The following WFDC13 variants were observed in gnomAD, a reference collection of about 807,000 sequenced individuals.
WFDC13 encodes WAP four-disulfide core domain protein 13.
WFDC13 carries 6 observed loss-of-function variants against 10.9 expected under a neutral mutation model. That is an observed-to-expected ratio of 0.55 (90% CI 0.30 to 1.09). The LOEUF (loss-of-function observed/expected upper bound fraction) is 1.09. Ranked by LOEUF, WFDC13 falls within the 50% of genes least tolerant of loss-of-function variation. WFDC13 has a pLI of 0.06. For missense variants in WFDC13, 104 were observed against 109.6 expected, an observed-to-expected ratio of 0.95 and a Z score of 0.23; for synonymous variants, 38 against 39.5, an observed-to-expected ratio of 0.96 and a Z score of 0.14.
rs1353669059 is a variant in WFDC13 at position 45,704,538 on chromosome 20, C to T, written c.183C>T (p.Cys61=). ...AAGATTGCGAGAAAGGATTTCAGTGCTGTTCCTCCTTCTGTGGGATAGTCT... is the reference window on the plus strand; with the variant it reads ...AAGATTGCGAGAAAGGATTTCAGTGTTGTTCCTCCTTCTGTGGGATAGTCT... The part of the protein sequence containing the change: ...MQEDCEKGFQ[C]CSSFCGIVCS... Residue 61 remains cysteine (C), a synonymous_variant, in exon 2 of 4, where the codon TGC becomes TGT. Coordinates refer to ENST00000305479, the MANE Select transcript of WFDC13 (RefSeq NM_172005.2). 1 of 1,614,064 alleles carries T rather than the reference C, an allele frequency of 6.2e-7. No homozygotes were observed. The highest frequency in any genetic ancestry group is 2.2e-5 in the East Asian group (1 of 44,886).
intron 3 of WFDC13, 36 bp downstream of exon 3, chr20:45,705,963 G>A (rs1984373973): frequency 1.3e-6 from 2 of 1,569,048 alleles, no homozygotes; most frequent in African/African-American, 2.7e-5. Context: ...TTCCTCATGT[G>A]AGATTCCCAG....
At chr20:45,705,706 T>C (rs1243317345) in intron 2 of WFDC13, among the ~76,000 whole-genome samples, 157 bp from the exon 3 acceptor site, 1 of 151,968 alleles carries the variant, frequency 6.6e-6, no homozygotes, top group Non-Finnish European at 1.5e-5. Flanking sequence ...ATATAACTCT[T>C]TGGTGTCATT....
chr20:45,704,882 G>C, intron 2 of WFDC13: 1 of 1,604,612 alleles, frequency 6.2e-7, no homozygotes, highest in South Asian at 1.1e-5. Context: ...ACCTTCCCCC[G>C]ACCCAGAATC....
At chr20:45,704,840 C>G in intron 2 of WFDC13, 1 of 1,494,338 alleles carries the variant, frequency 6.7e-7, no homozygotes, top group Non-Finnish European at 9.3e-7. Flanking sequence ...CTCTGCCTCT[C>G]TGAACACACC....
rs115378768 is a variant in WFDC13, at chr20:45,703,947, C to T, written c.89-497C>T. On this transcript the variant is annotated intron_variant, in intron 1 of 3. Coordinates refer to ENST00000305479, the MANE Select transcript of WFDC13 (RefSeq NM_172005.2). ...CTGATCCAGTACCTTCAGTTTAATGCATGGTCTTCATCCTTTACCAAAACT... is the reference window on the plus strand; with the variant it reads ...CTGATCCAGTACCTTCAGTTTAATGTATGGTCTTCATCCTTTACCAAAACT... 3.7e-3 allele frequency among the ~76,000 whole-genome samples: 560 copies of T among 152,288 alleles called. 4 individuals are homozygous for T. The highest frequency in any genetic ancestry group is 0.012 in the African/African-American group (480 of 41,562).
At chr20:45,702,596 CAGAG>C (rs999810138) in intron 1 of WFDC13, among the ~76,000 whole-genome samples, 1 of 152,178 alleles carries the variant, frequency 6.6e-6, no homozygotes, top group Non-Finnish European at 1.5e-5. Flanking sequence ...AGCAATAAAA[CAGAG>C]AGACAACGAA....
chr20:45,703,305 G>A (rs369056809), intron 1 of WFDC13, among the ~76,000 whole-genome samples: 121 of 152,174 alleles, frequency 8.0e-4, no homozygotes, highest in African/African-American at 2.9e-3. Context: ...AGAGGCCAGG[G>A]GTGAGTACTA....
intron 3 of WFDC13, among the ~76,000 whole-genome samples, chr20:45,706,173 G>T (rs904164415): frequency 2.0e-5 from 3 of 152,164 alleles, no homozygotes; most frequent in African/African-American, 7.2e-5. Flanking sequence ...ATGGCCCAGG[G>T]GGAACCCAGG....
rs1301762971 is a variant in WFDC13 at position 45,708,585 on chromosome 20, CCTT to C, written c.*753_*755del. ...CATGCTAGAGCAAAGATTGAATTAT[CCTT>C]CTGTTCTCTCTACAGAAATGATATA... On this transcript the variant is annotated 3_prime_UTR_variant, in exon 4 of 4. Transcript: ENST00000305479. 6.6e-6 allele frequency: 1 copy of C among 152,112 alleles called. No individual in the cohort carries two copies. The highest frequency in any genetic ancestry group is 1.5e-5 in the Non-Finnish European group (1 of 68,020). The allele number at this position is 152,112 out of a possible 1,614,324, so 9.4% of individuals were successfully genotyped here.
intron 1 of WFDC13, among the ~76,000 whole-genome samples, chr20:45,703,522 C>T (rs533456040): frequency 2.8e-4 from 42 of 152,240 alleles, no homozygotes; most frequent in African/African-American, 9.6e-4. Flanking sequence ...ATAGAATGCC[C>T]CACTTTTGAC....
At chr20:45,707,552 T>C (rs1431591971) in intron 3 of WFDC13, among the ~76,000 whole-genome samples, 1 of 152,222 alleles carries the variant, frequency 6.6e-6, no homozygotes, top group Non-Finnish European at 1.5e-5. Flanking sequence ...GTAGCTACCA[T>C]ATTACACATT....
chr20:45,706,004 A>G, intron 3 of WFDC13, 77 bp downstream of exon 3: 1 of 1,262,132 alleles, frequency 7.9e-7, no homozygotes, highest in Non-Finnish European at 1.1e-6. Context: ...TAGCCTCACC[A>G]GGGGCACTAC....
intron 2 of WFDC13, chr20:45,705,011 T>C (rs1420168026): frequency 1.9e-6 from 3 of 1,613,464 alleles, no homozygotes; most frequent in Non-Finnish European, 2.5e-6. Flanking sequence ...ACCAGTGTTC[T>C]TGGGCTCTGG....
At position 45,704,562 on chromosome 20, in the gene WFDC13, C is replaced by T; in HGVS notation, c.207C>T (p.Val69=). Residue 69 remains valine, a synonymous_variant, in exon 2 of 4, where the codon GTC becomes GTT. Transcript: ENST00000305479. ...FQCCSSFCGI[V]CSSETFQKRN... is the part of the protein sequence containing the mutation. ...GCTGTTCCTCCTTCTGTGGGATAGT[C>T]TGTTCATCAGAAACATTTCAAAAGC... The T allele has an allele frequency of 6.2e-7, 1 of 1,614,150 alleles. No individual in the cohort carries two copies. The highest frequency in any genetic ancestry group is 8.5e-7 in the Non-Finnish European group (1 of 1,180,032).
intron 1 of WFDC13, among the ~76,000 whole-genome samples, 154 bp from the exon 2 acceptor site, chr20:45,704,290 C>A (rs542027551): frequency 1.3e-5 from 2 of 152,152 alleles, no homozygotes; most frequent in African/African-American, 4.8e-5. Flanking sequence ...CAGAGGAAGG[C>A]AGCAGCTGAG....
At chr20:45,707,274 G>A (rs372214008) in intron 3 of WFDC13, among the ~76,000 whole-genome samples, 1 of 152,268 alleles carries the variant, frequency 6.6e-6, no homozygotes, top group African/African-American at 2.4e-5. Flanking sequence ...TCCAGGGCAG[G>A]AAATACTGTT....
rs566035667 is a variant in WFDC13 at position 45,708,430 on chromosome 20, G to GC, written c.*600dup. On this transcript the variant is annotated 3_prime_UTR_variant, in exon 4 of 4. Transcript: ENST00000305479. ...AAGGGCTAGAACTCTCCAAGGTCTT[G>GC]CCCCCGGCATGTAGCACCACCTGAG... 5.3e-5 allele frequency: 8 copies of GC among 152,198 alleles called. No homozygotes were observed. Among genetic ancestry groups the GC allele is most frequent in the African/African-American group, 1.9e-4 (8 of 41,438 alleles). 9.4% of individuals were successfully genotyped at this position (152,198 alleles called of 1,614,324 possible). A position where few individuals can be genotyped will look rare whatever the true frequency, so the allele number is the denominator to read the frequency against.
intron 2 of WFDC13, 71 bp downstream of exon 2, chr20:45,704,665 C>T: frequency 6.4e-7 from 1 of 1,568,468 alleles, no homozygotes; most frequent in Non-Finnish European, 8.6e-7. Flanking sequence ...AGTCCCTTAC[C>T]AGCAACTGTG....
intron 2 of WFDC13, 100 bp downstream of exon 2, chr20:45,704,694 T>G: frequency 1.3e-6 from 2 of 1,512,458 alleles, no homozygotes; most frequent in East Asian, 4.5e-5. Context: ...CTCCTTTTTT[T>G]TTTTTTTCCT....
Sources: allele counts gnomAD v4.1 joint callset (sites outside exome capture counted in the v4.1 genomes callset), GRCh38; gene constraint gnomAD v4.1.1; transcripts MANE v1.5; gene names NCBI Gene and HGNC (gene_info 2026-07-23, HGNC 2026-07-21).